GNB1L: variants seen among roughly 807,000 people sequenced by gnomAD.
GNB1L encodes the protein G protein subunit beta 1 like.
Under a neutral mutation model 29.1 loss-of-function variants are expected in GNB1L, and 20 were observed. The observed-to-expected ratio is 0.69, with a 90% CI of 0.48 to 1.00. The LOEUF (loss-of-function observed/expected upper bound fraction) is 1.00. Among genes scored for constraint, GNB1L ranks in the 50% least tolerant of loss-of-function variants. The pLI is 0.00. For missense variants in GNB1L, 421 were observed against 464.9 expected (o/e 0.91, Z 0.87); for synonymous variants, 193 against 206.5 (o/e 0.93, Z 0.56).
intron 2 of GNB1L, among the ~76,000 whole-genome samples, chr22:19,844,963 G>A (rs1601352065): frequency 1.3e-5 from 2 of 152,346 alleles, no homozygotes; most frequent in African/African-American, 4.8e-5. Context: ...TGCAGGATGG[G>A]GACCAATCCC....
At chr22:19,831,994 T>G (rs1468910664) in intron 2 of GNB1L, among the ~76,000 whole-genome samples, 2 of 152,170 alleles carry the variant, frequency 1.3e-5, no homozygotes, top group African/African-American at 2.4e-5. Context: ...AGCCTCTCTC[T>G]CAGGCTGACT....
chr22:19,846,990 C>G (rs1937977019), intron 2 of GNB1L: 1 of 985,508 alleles, frequency 1.0e-6, no homozygotes, highest in Non-Finnish European at 1.2e-6. Context: ...CAGCCCCACG[C>G]TGGGTGGCTG....
chr22:19,851,133 A>C, intron 2 of GNB1L: 1 of 1,548,782 alleles, frequency 6.5e-7, no homozygotes, highest in Non-Finnish European at 8.7e-7. Flanking sequence ...CCACTTCATC[A>C]TGAGGGGCAG....
intron 2 of GNB1L, among the ~76,000 whole-genome samples, chr22:19,836,951 T>C (rs1937773833): frequency 6.6e-6 from 1 of 152,000 alleles, no homozygotes. Context: ...ATTAGAAACC[T>C]TTGCTCTTGA....
intron 2 of GNB1L, among the ~76,000 whole-genome samples, chr22:19,842,625 G>A (rs867800711): frequency 6.6e-6 from 1 of 152,234 alleles, no homozygotes; most frequent in Non-Finnish European, 1.5e-5. Context: ...CAGAAAAGCT[G>A]CACTCTAGCT....
intron 2 of GNB1L, among the ~76,000 whole-genome samples, chr22:19,824,457 G>A (rs1413829291): frequency 6.6e-6 from 1 of 152,196 alleles, no homozygotes; most frequent in Non-Finnish European, 1.5e-5. Context: ...CACAACTTTG[G>A]CTTCTGCCTG....
intron 2 of GNB1L, chr22:19,847,502 G>GCC (rs1569056267): frequency 4.1e-5 from 40 of 985,264 alleles, no homozygotes; most frequent in Non-Finnish European, 4.7e-5. Context: ...ACCCCATGAG[G>GCC]AAAAACTCTG....
chr22:19,849,554 G>T, intron 2 of GNB1L: 1 of 397,896 alleles, frequency 2.5e-6, no homozygotes, highest in Non-Finnish European at 3.4e-6. Flanking sequence ...TTTTAGGAGA[G>T]ATGGATTTCT....
At chr22:19,851,640 G>A (rs773906181) in intron 2 of GNB1L, 4 of 1,594,440 alleles carry the variant, frequency 2.5e-6, no homozygotes, top group Non-Finnish European at 3.4e-6. Context: ...ACAGGCAGCT[G>A]AGGGGCCACT....
At chr22:19,794,252 AGAAAAGG>A (rs1403800615) in intron 7 of GNB1L, among the ~76,000 whole-genome samples, 1 of 152,214 alleles carries the variant, frequency 6.6e-6, no homozygotes, top group Non-Finnish European at 1.5e-5. Context: ...CTTGCCTCAA[AGAAAAGG>A]GAAACTAATA....
intron 2 of GNB1L, among the ~76,000 whole-genome samples, chr22:19,834,508 A>C (rs761181809): frequency 1.3e-5 from 2 of 152,252 alleles, no homozygotes; most frequent in Admixed American, 6.5e-5. Context: ...TATGATTGTT[A>C]AAATTGTATT....
At chr22:19,805,138 T>A (rs1033243460) in intron 6 of GNB1L, among the ~76,000 whole-genome samples, 3 of 115,200 alleles carry the variant, frequency 2.6e-5, no homozygotes, top group African/African-American at 9.3e-5. Context: ...GAAGCCACCC[T>A]GCCTCCTGTG....
chr22:19,846,735 A>C (rs1418938728), intron 2 of GNB1L: 1 of 355,696 alleles, frequency 2.8e-6, no homozygotes, highest in Non-Finnish European at 3.9e-6. Context: ...AGATTAGGAC[A>C]CAGACACAGA....
chr22:19,820,847 G>A (rs1187191068), intron 3 of GNB1L, 124 bp from the exon 4 acceptor site: 1 of 1,173,272 alleles, frequency 8.5e-7, no homozygotes, highest in Non-Finnish European at 1.2e-6. Context: ...AAAGCCAACA[G>A]CTCTAAATAT....
intron 2 of GNB1L, chr22:19,852,404 G>T: frequency 1.2e-6 from 1 of 849,058 alleles, no homozygotes; most frequent in Non-Finnish European, 1.8e-6. Context: ...AAGTGCTGAG[G>T]ATCAGGGAGC....
chr22:19,792,752 G>T, intron 7 of GNB1L: 1 of 1,504,940 alleles, frequency 6.6e-7, no homozygotes, highest in Non-Finnish European at 9.1e-7. Context: ...AGAAAGCTCA[G>T]CTGGTGGTGA....
In GNB1L at chr22:19,838,246, G is replaced by A. The variant is rs73379979; in HGVS notation, c.-21+16197C>T. ...AAAGATGTGCAAATAAGCACAAAAG[G>A]CAACTCAACATCATAGCCATTAGGG... On this transcript the variant is annotated intron_variant, in intron 2 of 7. Coordinates refer to ENST00000329517, the MANE Select transcript of GNB1L (RefSeq NM_053004.3). Among the ~76,000 whole-genome samples the A allele has an allele frequency of 2.9e-3, 438 of 152,188 alleles. 1 individual carries two copies. The highest frequency in any genetic ancestry group is 0.01 in the African/African-American group (425 of 41,512).
intron 2 of GNB1L, among the ~76,000 whole-genome samples, chr22:19,825,502 G>A (rs1336977724): frequency 6.6e-6 from 1 of 151,644 alleles, no homozygotes; most frequent in African/African-American, 2.4e-5. Flanking sequence ...TATGCCTGTG[G>A]TCCCAGCTAC....
intron 7 of GNB1L, chr22:19,792,417 G>A (rs919004165): frequency 4.1e-5 from 64 of 1,549,102 alleles, no homozygotes; most frequent in South Asian, 1.8e-4. Context: ...TTTTGGCATC[G>A]GACAGGACAT....
Sources: gnomAD v4.1 joint callset for allele counts (sites outside exome capture counted in the v4.1 genomes callset) on GRCh38, gnomAD v4.1.1 for gene constraint, MANE v1.5 for transcripts, NCBI Gene and HGNC (gene_info 2026-07-23, HGNC 2026-07-21) for gene names.